The following MAPDA variants were observed in gnomAD, a reference collection of about 807,000 sequenced individuals.
The protein encoded by MAPDA is N6-Methyl-AMP deaminase, also known as N6,N6-dimethyl-AMP deaminase.
the MAPDA span, chr15:43,335,260 C>T: frequency 2.6e-5 from 35 of 1,365,238 alleles, no homozygotes; most frequent in South Asian, 7.3e-5. Context: ...TTTGGCTGGG[C>T]GCAGTGGCTC....
the MAPDA span, chr15:43,330,359 C>G: frequency 6.2e-7 from 1 of 1,604,350 alleles, no homozygotes; most frequent in Non-Finnish European, 8.5e-7. Flanking sequence ...GCGCGCCGCG[C>G]CCGGAACCAG....
At chr15:43,347,026 CAA>C in the MAPDA span, 1 of 1,613,590 alleles carries the variant, frequency 6.2e-7, no homozygotes, top group South Asian at 1.1e-5. Context: ...GTAGGACAAG[CAA>C]AAGACTTCTT....
At chr15:43,348,666 A>G in the MAPDA span, among the ~76,000 whole-genome samples, 10 of 152,142 alleles carry the variant, frequency 6.6e-5, no homozygotes, top group Admixed American at 6.5e-4. Flanking sequence ...CATTTGTGTG[A>G]AAAGGCACAA....
chr15:43,345,916 C>T, the MAPDA span: 1 of 1,614,166 alleles, frequency 6.2e-7, no homozygotes, highest in Non-Finnish European at 8.5e-7. Context: ...GTAAAACTTG[C>T]CGAGGAGTTC....
the MAPDA span, chr15:43,335,710 C>T: frequency 6.2e-7 from 1 of 1,610,618 alleles, no homozygotes. Flanking sequence ...TTCATGCCCA[C>T]TTGAATGGAT....
At chr15:43,333,351 G>C in the MAPDA span, 2 of 151,610 alleles carry the variant, frequency 1.3e-5, no homozygotes, top group Admixed American at 1.3e-4. Flanking sequence ...GGAAGCTTGA[G>C]ACTGCAGCAA....
chr15:43,332,481 A>G, the MAPDA span: 5 of 152,254 alleles, frequency 3.3e-5, no homozygotes, highest in Non-Finnish European at 5.9e-5. Flanking sequence ...TGTTATGTCA[A>G]AAATACTACT....
At chr15:43,346,729 G>A in the MAPDA span, among the ~76,000 whole-genome samples, 1 of 152,174 alleles carries the variant, frequency 6.6e-6, no homozygotes, top group African/African-American at 2.4e-5. Flanking sequence ...TGGATATCTA[G>A]GTGTCCTTCC....
the MAPDA span, chr15:43,342,843 A>G: frequency 2.0e-6 from 1 of 494,624 alleles, no homozygotes; most frequent in East Asian, 3.5e-5. Context: ...TTACTAAAAT[A>G]TACCCATAAG....
the MAPDA span, chr15:43,348,997 G>A: frequency 1.2e-6 from 2 of 1,614,084 alleles, no homozygotes; most frequent in African/African-American, 1.3e-5. Flanking sequence ...CGGTGAGGGA[G>A]GATCCCTGGA....
At chr15:43,351,837 G>A in the MAPDA span, 1 of 1,551,672 alleles carries the variant, frequency 6.4e-7, no homozygotes, top group East Asian at 2.4e-5. Flanking sequence ...AGTCTCAGGT[G>A]TGGGATCTGT....
At chr15:43,336,576 G>A in the MAPDA span, 1 of 1,416,290 alleles carries the variant, frequency 7.1e-7, no homozygotes, top group Admixed American at 2.5e-5. Flanking sequence ...TTCAGTTAGT[G>A]AGTTTCTTTG....
the MAPDA span, among the ~76,000 whole-genome samples, chr15:43,349,949 T>G: frequency 6.6e-6 from 1 of 152,222 alleles, no homozygotes; most frequent in African/African-American, 2.4e-5. Flanking sequence ...TGAGTGAGCC[T>G]GTGTTGAGGC....
chr15:43,336,881 T>TA, the MAPDA span, among the ~76,000 whole-genome samples: 1 of 152,120 alleles, frequency 6.6e-6, no homozygotes, highest in Non-Finnish European at 1.5e-5. Context: ...TTGTAAAAGA[T>TA]ATGAGGAAAG....
the MAPDA span, among the ~76,000 whole-genome samples, chr15:43,337,192 T>G: frequency 1.3e-4 from 19 of 146,044 alleles, no homozygotes; most frequent in South Asian, 3.2e-3. Flanking sequence ...AGGAGAATGA[T>G]GTGAACCCGG....
At chr15:43,335,705 G>A in the MAPDA span, 1 of 1,606,986 alleles carries the variant, frequency 6.2e-7, no homozygotes, top group Non-Finnish European at 8.5e-7. Flanking sequence ...GGAACTTCAT[G>A]CCCACTTGAA....
the MAPDA span, chr15:43,340,264 G>C: frequency 2.5e-6 from 4 of 1,613,468 alleles, no homozygotes; most frequent in Non-Finnish European, 3.4e-6. Flanking sequence ...TTTATTATCA[G>C]GTCACAAAAG....
chr15:43,335,819 T>C, the MAPDA span: 1 of 1,612,938 alleles, frequency 6.2e-7, no homozygotes, highest in Non-Finnish European at 8.5e-7. Context: ...GAAAAGAACT[T>C]TGGAAGAGTA....
At chr15:43,330,469 C>T in the MAPDA span, 1 of 1,523,914 alleles carries the variant, frequency 6.6e-7, no homozygotes, top group Non-Finnish European at 8.8e-7. Context: ...CTGCCCGACG[C>T]TCACGGCTCC....
Sources: gnomAD v4.1 joint callset for allele counts (sites outside exome capture counted in the v4.1 genomes callset) on GRCh38, gnomAD v4.1.1 for gene constraint, MANE v1.5 for transcripts, NCBI Gene and HGNC (gene_info 2026-07-23, HGNC 2026-07-21) for gene names.